The following ACO2 variants were observed in gnomAD, a reference collection of about 807,000 sequenced individuals.
ACO2 encodes aconitase 2.
ACO2 carries 31 observed loss-of-function variants against 84.5 expected under a neutral mutation model. The observed-to-expected ratio is 0.37, with a 90% CI of 0.28 to 0.50. The LOEUF is 0.50. Ranked by LOEUF, ACO2 falls within the 20% of genes least tolerant of loss-of-function variation. ACO2 has a pLI of 0.97. For missense variants in ACO2, 685 were observed against 1,029.3 expected, an observed-to-expected ratio of 0.67 and a Z score of 4.58; for synonymous variants, 414 against 412.7, an observed-to-expected ratio of 1.00 and a Z score of -0.04.
intron 2 of ACO2, among the ~76,000 whole-genome samples, chr22:41,504,871 A>G (rs1174019536): frequency 6.6e-6 from 1 of 151,784 alleles, no homozygotes; most frequent in Non-Finnish European, 1.5e-5. Context: ...CTATAGGCAC[A>G]TGCCACCATG....
rs958157734 is a variant in ACO2 at position 41,518,608 on chromosome 22, G to A, written c.1032+36G>A. The A allele has an allele frequency of 2.0e-6, 3 of 1,518,406 alleles. 1 individual carries two copies. Among genetic ancestry groups the A allele is most frequent in the Middle Eastern group, 3.4e-4 (2 of 5,832 alleles). 94.1% of individuals were successfully genotyped at this position (1,518,406 alleles called of 1,614,324 possible). On this transcript the variant is annotated intron_variant, in intron 8 of 17. Transcript: ENST00000216254. ...AATTAACTGGGTTCAAGAAGTTTCT[G>A]AGAGTAGTGGGGAGCAGGGCGGGTC...
chr22:41,474,861 A>C (rs919095471), intron 1 of ACO2, among the ~76,000 whole-genome samples: 6 of 151,922 alleles, frequency 3.9e-5, no homozygotes, highest in African/African-American at 1.5e-4. Flanking sequence ...GGCCTCCCAA[A>C]GTGCTGGGAT....
At chr22:41,501,931 G>A (rs1379835876) in intron 2 of ACO2, among the ~76,000 whole-genome samples, 1 of 152,138 alleles carries the variant, frequency 6.6e-6, no homozygotes, top group Non-Finnish European at 1.5e-5. Context: ...TACCCACCTT[G>A]TTGTCCAGTC....
chr22:41,520,964 T>TA (rs1347011134), intron 9 of ACO2, among the ~76,000 whole-genome samples: 1 of 137,032 alleles, frequency 7.3e-6, no homozygotes, highest in African/African-American at 2.9e-5. Flanking sequence ...GCCGAGATGG[T>TA]ACCACTGCAT....
At chr22:41,485,394 G>A (rs1035214621) in intron 1 of ACO2, among the ~76,000 whole-genome samples, 8 of 150,850 alleles carry the variant, frequency 5.3e-5, no homozygotes, top group Non-Finnish European at 1.0e-4. Context: ...TCTGCCTCCC[G>A]AGTAGCTGGG....
chr22:41,500,759 A>G (rs2146107239), intron 2 of ACO2, among the ~76,000 whole-genome samples: 1 of 152,192 alleles, frequency 6.6e-6, no homozygotes, highest in East Asian at 1.9e-4. Context: ...GCTGGAGTAC[A>G]GTGGTGCAGT....
chr22:41,517,273 C>T, intron 6 of ACO2: 2 of 468,834 alleles, frequency 4.3e-6, no homozygotes, highest in South Asian at 4.1e-5. Context: ...GAATCTTCAC[C>T]TGAGTCCTCT....
chr22:41,489,286 C>T (rs945684644), intron 1 of ACO2, among the ~76,000 whole-genome samples: 8 of 152,140 alleles, frequency 5.3e-5, no homozygotes, highest in African/African-American at 1.9e-4. Flanking sequence ...TCAAACCATC[C>T]TTCTGCCTTG....
intron 1 of ACO2, among the ~76,000 whole-genome samples, chr22:41,485,417 G>A (rs1209868386): frequency 6.7e-6 from 1 of 149,446 alleles, no homozygotes; most frequent in African/African-American, 2.5e-5. Context: ...TACAGCATGC[G>A]CTACCATGCC....
chr22:41,520,855 A>T (rs2066519374), intron 9 of ACO2, among the ~76,000 whole-genome samples: 1 of 151,470 alleles, frequency 6.6e-6, no homozygotes. Flanking sequence ...AAAAAAAAAA[A>T]AAATTGGCCA....
Position 41,502,192 on chromosome 22 carries a change from G to A in ACO2, c.173+2330G>A, listed in dbSNP as rs540978103. Among the ~76,000 whole-genome samples, 8 of 152,146 alleles carry A rather than the reference G, an allele frequency of 5.3e-5. No homozygotes were observed. The East Asian group carries it at 1.4e-3, about 26-fold the overall frequency. ...TCACCTGGGAAGCTTTAAAAATGACGGACACCTGGGCCCCACTCCCAGCAA... is the reference window on the plus strand; with the variant it reads ...TCACCTGGGAAGCTTTAAAAATGACAGACACCTGGGCCCCACTCCCAGCAA... On this transcript the variant is annotated intron_variant, in intron 2 of 17. Transcript: ENST00000216254.
At chr22:41,513,026 C>G (rs2066446505) in intron 4 of ACO2, among the ~76,000 whole-genome samples, 2 of 152,214 alleles carry the variant, frequency 1.3e-5, no homozygotes, top group South Asian at 4.1e-4. Flanking sequence ...GCTCTGAAAC[C>G]AGAGCCAGCA....
At chr22:41,474,360 C>T (rs2037983135) in intron 1 of ACO2, among the ~76,000 whole-genome samples, 1 of 142,832 alleles carries the variant, frequency 7.0e-6, no homozygotes, top group Non-Finnish European at 1.5e-5. Flanking sequence ...GTGGCGCGAT[C>T]TCGGCTCACT....
intron 3 of ACO2, among the ~76,000 whole-genome samples, chr22:41,508,512 A>C (rs1051083106): frequency 5.3e-5 from 8 of 152,234 alleles, no homozygotes; most frequent in African/African-American, 1.9e-4. Context: ...CGGCAGTGGC[A>C]TCATACTTGA....
At chr22:41,505,990 T>C (rs1385639197) in intron 2 of ACO2, among the ~76,000 whole-genome samples, 1 of 152,192 alleles carries the variant, frequency 6.6e-6, no homozygotes, top group African/African-American at 2.4e-5. Flanking sequence ...GCCCTGGTAT[T>C]TAGAGATGGG....
intron 12 of ACO2, 97 bp from the exon 13 acceptor site, chr22:41,524,749 T>G: frequency 6.4e-7 from 1 of 1,570,812 alleles, no homozygotes; most frequent in Non-Finnish European, 8.7e-7. Flanking sequence ...GGAAATTTCC[T>G]GGGTTCCTTT....
At chr22:41,504,363 T>C (rs913636877) in intron 2 of ACO2, among the ~76,000 whole-genome samples, 1 of 152,250 alleles carries the variant, frequency 6.6e-6, no homozygotes, top group Non-Finnish European at 1.5e-5. Context: ...ATCTGTGTCA[T>C]CTGGAGAGCA....
chr22:41,499,752 T>C lies in ACO2; in HGVS notation c.63T>C (p.His21=), dbSNP rs751839555. The change falls in exon 2 of 18, where the codon CAT becomes CAC. Residue 21 remains histidine, a synonymous_variant. Coordinates refer to ENST00000216254, the MANE Select transcript of ACO2 (RefSeq NM_001098.3). ...LQKALGVRQY[H]VASVLCQRAK... ...AAGCTCTGGGTGTGCGGCAGTACCATGTGGCCTCAGTCCTGTGCCAACGGG... is the reference window on the plus strand; with the variant it reads ...AAGCTCTGGGTGTGCGGCAGTACCACGTGGCCTCAGTCCTGTGCCAACGGG... 5.0e-6 allele frequency: 8 copies of C among 1,613,444 alleles called. No homozygotes were observed. The highest frequency in any genetic ancestry group is 1.3e-5 in the African/African-American group (1 of 74,932).
rs2066639837 is a variant in ACO2 at position 41,527,998 on chromosome 22, C to T, written c.2184C>T (p.Gly728=). 1.9e-6 allele frequency: 3 copies of T among 1,614,068 alleles called. No individual in the cohort carries two copies. The highest frequency in any genetic ancestry group is 1.3e-5 in the African/African-American group (1 of 74,932). Residue 728 remains glycine, a synonymous_variant, in exon 17 of 18, where the codon GGC becomes GGT. Transcript: ENST00000216254. The stretch of plus-strand genomic sequence containing the variant: ...CTGTGGACAAGCTGACCATTCAGGG[C>T]CTGAAGGACTTCACCCCTGGCAAGG... The part of the protein sequence containing the change: ...IHPVDKLTIQ[G]LKDFTPGKPL...
Sources: allele counts gnomAD v4.1 joint callset (sites outside exome capture counted in the v4.1 genomes callset), GRCh38; gene constraint gnomAD v4.1.1; transcripts MANE v1.5; gene names NCBI Gene and HGNC (gene_info 2026-07-23, HGNC 2026-07-21).